MYCBP2: variants seen among roughly 807,000 people sequenced by gnomAD.
MYCBP2 encodes the protein MYC binding protein 2.
A neutral mutation model predicts 525.3 loss-of-function variants in MYCBP2; 120 were observed. The ratio of observed to expected loss-of-function variants is 0.23; its 90% CI spans 0.20 to 0.27. The LOEUF (loss-of-function observed/expected upper bound fraction) is 0.27, where lower values mean the gene tolerates loss of function less well. Ranked by LOEUF, MYCBP2 falls within the 10% of genes least tolerant of loss-of-function variation. The probability of loss-of-function intolerance (pLI) is 1.00; values close to 1 mark genes in which losing one functional copy is unlikely to be tolerated. For missense variants in MYCBP2, 4,149 were observed against 5,657.1 expected (o/e 0.73, Z 8.55); for synonymous variants, 1,894 against 1,955.8 (o/e 0.97, Z 0.83).
intron 34 of MYCBP2, among the ~76,000 whole-genome samples, chr13:77,179,702 G>A (rs1052926045): frequency 6.6e-6 from 1 of 152,176 alleles, no homozygotes; most frequent in Non-Finnish European, 1.5e-5. Context: ...TTTTAAGTAT[G>A]TATTTCTCTA....
chr13:77,081,671 G>A lies in MYCBP2; in HGVS notation c.11194-20C>T. 6.3e-7 allele frequency: 1 copy of A among 1,578,700 alleles called. No individual in the cohort carries two copies. Among genetic ancestry groups the A allele is most frequent in the Non-Finnish European group, 8.6e-7 (1 of 1,161,612 alleles). ...TAATTCCTATCAGAAACAAATATAA[G>A]TACTTATGATACTTAAAAGCAAATC... On this transcript the variant is annotated intron_variant, in intron 64 of 82. Transcript: ENST00000544440. This position sits in a 1 kb window ranked among gnomAD's most constrained non-coding sequence, Gnocchi z 4.6.
At chr13:77,118,450 T>C (rs768836831) in intron 55 of MYCBP2, 4 of 764,770 alleles carry the variant, frequency 5.2e-6, no homozygotes, top group South Asian at 1.3e-5. Context: ...AGCTGGGAGA[T>C]TGGGTCGTGA....
intron 13 of MYCBP2, among the ~76,000 whole-genome samples, chr13:77,258,948 C>A (rs943282606): frequency 6.6e-6 from 1 of 152,036 alleles, no homozygotes; most frequent in Non-Finnish European, 1.5e-5. Flanking sequence ...TAAACTGTTA[C>A]CCAATTAAAA....
intron 1 of MYCBP2, among the ~76,000 whole-genome samples, chr13:77,304,709 TATC>T (rs1396692924): frequency 6.6e-6 from 1 of 152,154 alleles, no homozygotes; most frequent in Non-Finnish European, 1.5e-5. Context: ...TGTATCAAAA[TATC>T]ATATTATACC....
intron 26 of MYCBP2, among the ~76,000 whole-genome samples, chr13:77,197,794 A>T (rs547161798): frequency 1.6e-3 from 239 of 151,552 alleles, no homozygotes; most frequent in African/African-American, 5.4e-3. Context: ...GAAGGGAAGG[A>T]AAAAAAAAGA....
chr13:77,305,286 C>T (rs922995078), intron 1 of MYCBP2, among the ~76,000 whole-genome samples: 1 of 151,958 alleles, frequency 6.6e-6, no homozygotes, highest in Non-Finnish European at 1.5e-5. Context: ...TAGCAACAAC[C>T]CAAATGCTCA....
In MYCBP2 at chr13:77,311,671, T is replaced by C. The variant is rs140184460; in HGVS notation, c.302+14803A>G. 2.5e-3 allele frequency among the ~76,000 whole-genome samples: 366 copies of C among 146,770 alleles called. 14 individuals carry two copies. The East Asian group carries it at 0.07, about 28-fold the overall frequency. ...GTTGGACTCAATAAGAAAATGGAGA[T>C]GGGAGAAAAGAGTCTGTGAACCTGA... On this transcript the variant is annotated intron_variant, in intron 1 of 82. Transcript: ENST00000544440.
intron 61 of MYCBP2, 81 bp downstream of exon 61, chr13:77,088,751 T>A: frequency 8.1e-7 from 1 of 1,240,854 alleles, no homozygotes; most frequent in African/African-American, 1.5e-5. Context: ...TTTCTGTTGG[T>A]AAAAAAGTGG....
intron 17 of MYCBP2, among the ~76,000 whole-genome samples, chr13:77,241,310 G>T (rs555465669): frequency 6.6e-6 from 1 of 152,164 alleles, no homozygotes; most frequent in East Asian, 1.9e-4. Flanking sequence ...AGAGGGAAGA[G>T]AAAAAGAGTA....
In MYCBP2 at chr13:77,140,159, C is replaced by A; in HGVS notation, c.7406G>T (p.Arg2469Leu). Residue 2469 changes from arginine (R) to leucine (L), a missense_variant, in exon 51 of 83, where the codon CGA becomes CTA. Physicochemically the swap from Arg to Leu is moderately radical, Grantham distance 102. Coordinates refer to ENST00000544440, the MANE Select transcript of MYCBP2 (RefSeq NM_015057.5). The part of the protein sequence containing the change: ...PKSEPQPNKV[R>L]KFVAKDSAGL... ...CGCACTGTCCTTGGCCACAAATTTT[C>A]GAACCTGAGAAAGGCAAAGATAAAC... The A allele has an allele frequency of 6.3e-7, 1 of 1,593,876 alleles. No homozygotes were observed. The highest frequency in any genetic ancestry group is 8.5e-7 in the Non-Finnish European group (1 of 1,173,344).
chr13:77,273,113 A>G (rs1029045057), intron 5 of MYCBP2, among the ~76,000 whole-genome samples: 7 of 152,234 alleles, frequency 4.6e-5, no homozygotes, highest in African/African-American at 1.7e-4. Context: ...CTTTCAATAG[A>G]GAAAAGATAT....
intron 46 of MYCBP2, among the ~76,000 whole-genome samples, chr13:77,155,032 T>C (rs7996862): frequency 0.038 from 5,806 of 152,122 alleles, 386 homozygotes; most frequent in African/African-American, 0.13. Flanking sequence ...CCATCATATA[T>C]TATATTTATA....
At position 77,243,086 on chromosome 13, in the gene MYCBP2, T is replaced by C. The variant is rs2069166903; in HGVS notation, c.2602A>G (p.Arg868Gly). ...CTTCCTTCCTCTAATCTGTGCCTTC[T>C]GATTACACGTTGCCGTTTTTCTTCT... is the stretch of plus-strand genomic sequence containing the variant. ...RQEEKRQRVIRRHRLEEGRGP... is the reference protein window; with the variant it reads ...RQEEKRQRVIGRHRLEEGRGP... The change falls in exon 17 of 83, where the codon AGA becomes GGA. Residue 868 changes from arginine (R) to glycine (G), a missense_variant. Around this residue, in one of 21 missense-constraint regions of MYCBP2, gnomAD observed 620 missense variants for 795.5 expected, o/e 0.78. Transcript: ENST00000544440. The C allele has an allele frequency of 1.2e-5, 20 of 1,614,150 alleles. No homozygotes were observed. Among genetic ancestry groups the C allele is most frequent in the Non-Finnish European group, 1.7e-5 (20 of 1,180,014 alleles).
Position 77,168,437 on chromosome 13 carries a change from C to T in MYCBP2, c.6105G>A (p.Met2035Ile). The change falls in exon 40 of 83, where the codon ATG becomes ATA. Residue 2035 changes from methionine (M) to isoleucine (I), a missense_variant. This residue lies in a region of MYCBP2 where 692 missense variants were observed against 852.7 expected (regional missense o/e 0.81). Transcript: ENST00000544440. ...SEHPYKPACV[M>I]HYKVTFPECV... ...AAGAACCGGTGCCTACCTTGTAATG[C>T]ATCACACAGGCAGGTTTATACGGGT... The T allele has an allele frequency of 6.2e-7, 1 of 1,613,802 alleles. No homozygotes were observed. The highest frequency in any genetic ancestry group is 8.5e-7 in the Non-Finnish European group (1 of 1,179,780).
chr13:77,199,691 A>T (rs2062225020), intron 26 of MYCBP2, among the ~76,000 whole-genome samples: 2 of 152,132 alleles, frequency 1.3e-5, no homozygotes, highest in South Asian at 2.1e-4. Flanking sequence ...ACAGCTGGAG[A>T]TCTGAGAAAG....
chr13:77,071,787 C>A (rs987255818), intron 68 of MYCBP2, among the ~76,000 whole-genome samples: 3 of 152,066 alleles, frequency 2.0e-5, no homozygotes, highest in Non-Finnish European at 2.9e-5. Flanking sequence ...TTTTGAAGTG[C>A]ACGTGGACAT....
chr13:77,236,327 T>C (rs749114685), intron 17 of MYCBP2, among the ~76,000 whole-genome samples: 4 of 152,108 alleles, frequency 2.6e-5, no homozygotes, highest in East Asian at 1.9e-4. Flanking sequence ...GTGTAGACAA[T>C]GGGTAATTCA....
chr13:77,233,203 A>G lies in MYCBP2; in HGVS notation c.2690T>C (p.Leu897Pro). Reference sequence around the variant, plus strand: ...CTTTAGCTGTGCTGGATGGGATCTGAGTCTGGCTAGAGCCTGTTCTCGATG... The same window carrying G: ...CTTTAGCTGTGCTGGATGGGATCTGGGTCTGGCTAGAGCCTGTTCTCGATG... ...MNHREQALAR[L>P]RSHPAQLKHK... Residue 897 changes from leucine to proline, a missense_variant, in exon 18 of 83, where the codon CTC becomes CCC. By Grantham distance (98) the Leu-to-Pro change is moderately conservative (BLOSUM62 -3). This residue lies in a region of MYCBP2 where 620 missense variants were observed against 795.5 expected (regional missense o/e 0.78). Coordinates refer to ENST00000544440, the MANE Select transcript of MYCBP2 (RefSeq NM_015057.5). 2 of 1,613,870 alleles carry G rather than the reference A, an allele frequency of 1.2e-6. No individual in the cohort carries two copies. The highest frequency in any genetic ancestry group is 1.7e-6 in the Non-Finnish European group (2 of 1,179,838).
chr13:77,165,893 A>G (rs1460801129), intron 41 of MYCBP2, among the ~76,000 whole-genome samples: 2 of 152,234 alleles, frequency 1.3e-5, no homozygotes, highest in Admixed American at 1.3e-4. Flanking sequence ...GCAACAAACC[A>G]TAAGTTTTAA....
Sources: allele counts gnomAD v4.1 joint callset (sites outside exome capture counted in the v4.1 genomes callset), GRCh38; gene constraint gnomAD v4.1.1; regional missense constraint gnomAD v4.1.1; non-coding constraint Gnocchi (gnomAD v3.1); transcripts MANE v1.5; gene names NCBI Gene and HGNC (gene_info 2026-07-23, HGNC 2026-07-21).